Variants in SLC19A1 observed in about 807,000 individuals in gnomAD.
The protein encoded by SLC19A1 is solute carrier family 19 member 1, also known as reduced folate transporter.
SLC19A1 carries 37 observed loss-of-function variants against 35.3 expected under a neutral mutation model. That is an observed-to-expected ratio of 1.05 (90% confidence interval 0.81 to 1.38). SLC19A1 has a LOEUF of 1.38. Ranked by LOEUF, SLC19A1 falls within the 40% of genes most tolerant of loss-of-function variation. The pLI is 0.00. For missense variants in SLC19A1, 831 were observed against 826.9 expected, an observed-to-expected ratio of 1.00 and a Z score of -0.06; for synonymous variants, 460 against 398.5, an observed-to-expected ratio of 1.15 and a Z score of -1.84.
chr21:45,533,277 G>C lies in SLC19A1; in HGVS notation c.190-1129C>G, dbSNP rs1234725203. Among the ~76,000 whole-genome samples, 1 of 108,758 alleles carries C rather than the reference G, an allele frequency of 9.2e-6. No homozygotes were observed. Among genetic ancestry groups the C allele is most frequent in the Non-Finnish European group, 2.2e-5 (1 of 44,600 alleles). 71.3% of individuals were successfully genotyped at this position (108,758 alleles called of 152,430 possible). ...CTCAACACACATCCACCTTCCATGGGAACGTGGAGCTGGGCACGGGGCTGG... is the reference window on the plus strand; with the variant it reads ...CTCAACACACATCCACCTTCCATGGCAACGTGGAGCTGGGCACGGGGCTGG... On this transcript the variant is annotated intron_variant, in intron 2 of 5. Coordinates refer to ENST00000311124, the MANE Select transcript of SLC19A1 (RefSeq NM_194255.4). This position sits in a 1 kb window ranked among gnomAD's most constrained non-coding sequence, Gnocchi z 4.5.
At chr21:45,539,160 AC>A (rs2078226666) in intron 1 of SLC19A1, among the ~76,000 whole-genome samples, 2 of 152,318 alleles carry the variant, frequency 1.3e-5, no homozygotes, top group East Asian at 3.9e-4. Context: ...ACTGCCATAA[AC>A]AAGTGTGTCA....
At chr21:45,552,831 G>A (rs942729175) in intron 1 of SLC19A1, among the ~76,000 whole-genome samples, 4 of 151,208 alleles carry the variant, frequency 2.6e-5, no homozygotes, top group Non-Finnish European at 4.4e-5. Context: ...CTGTCCCTGC[G>A]TTTGTGCTGA....
At chr21:45,509,518 C>T (rs780206261), downstream of SLC19A1, 8 of 1,534,708 alleles carry the variant, frequency 5.2e-6, no homozygotes, top group East Asian at 1.9e-4. Context: ...CCCCGGAGCC[C>T]CGCACCACAG....
downstream of SLC19A1, among the ~76,000 whole-genome samples, chr21:45,510,945 ACC>A (rs2037544575): frequency 3.8e-5 from 1 of 26,020 alleles, no homozygotes; most frequent in Non-Finnish European, 6.6e-5. Context: ...AAAAACACAC[ACC>A]CACAACACCC....
chr21:45,552,647 G>GT (rs1402322373), intron 1 of SLC19A1, among the ~76,000 whole-genome samples: 1 of 151,758 alleles, frequency 6.6e-6, no homozygotes, highest in African/African-American at 2.4e-5. Flanking sequence ...GACAGCCCCA[G>GT]CCCCAGCAGA....
At chr21:45,505,914 C>T in intron 3 of SLC19A1, 9 of 1,613,080 alleles carry the variant, frequency 5.6e-6, no homozygotes, top group Non-Finnish European at 6.8e-6. Context: ...ATCTTCGTGG[C>T]CGAGCAGGAG....
downstream of SLC19A1, chr21:45,509,302 G>A (rs1568950291): frequency 2.6e-6 from 4 of 1,534,796 alleles, no homozygotes; most frequent in East Asian, 7.3e-5. Context: ...ACAGATGGAG[G>A]AGGGGCACCC....
chr21:45,561,772 A>G (rs1482427043), intron 1 of SLC19A1, among the ~76,000 whole-genome samples: 1 of 151,856 alleles, frequency 6.6e-6, no homozygotes, highest in East Asian at 1.9e-4. Flanking sequence ...AAAAATAAAT[A>G]AATAAATAAT....
chr21:45,531,531 C>G lies in SLC19A1; in HGVS notation c.807G>C (p.Leu269=). ...AGTTGAAGACCCACCAGAGGGACCA[C>G]AGGCGCAGCTGCGGCCGCCGCAGGC... The part of the protein sequence containing the change: ...GDSLRRPQLR[L]WSLWWVFNSA... Residue 269 remains leucine (L), a synonymous_variant, in exon 3 of 6, where the codon CTG becomes CTC. Transcript: ENST00000311124. 2 of 1,612,630 alleles carry G rather than the reference C, an allele frequency of 1.2e-6. No individual in the cohort carries two copies. Among genetic ancestry groups the G allele is most frequent in the South Asian group, 2.2e-5 (2 of 91,076 alleles).
chr21:45,516,028 GC>G lies in SLC19A1; in HGVS notation c.1405del (p.Ala469ProfsTer4). On this transcript the variant is annotated frameshift_variant, in exon 6 of 6. Transcript: ENST00000311124. LOFTEE classifies it low-confidence loss of function (END_TRUNC). Reference sequence around the variant, plus strand: ...CTCCGCGGCACTCCTCAGGCCCTGGGCCGGGGGCTGCCGCGGGTGGTGGCCC... The same window carrying G: ...CTCCGCGGCACTCCTCAGGCCCTGGGCGGGGGCTGCCGCGGGTGGTGGCCC... ...QRGHHPRQPP[A>X]QGLRSAAEEK... The G allele has an allele frequency of 6.3e-7, 1 of 1,578,292 alleles. No individual in the cohort carries two copies. The highest frequency in any genetic ancestry group is 8.6e-7 in the Non-Finnish European group (1 of 1,163,338).
chr21:45,532,169 G>A, intron 2 of SLC19A1, 21 bp from the exon 3 acceptor site: 1 of 1,559,570 alleles, frequency 6.4e-7, no homozygotes, highest in South Asian at 1.2e-5. Flanking sequence ...GCGGGCGTGC[G>A]CCCCACCAGG....
At chr21:45,554,966 G>A (rs1249223117) in intron 1 of SLC19A1, among the ~76,000 whole-genome samples, 1 of 151,224 alleles carries the variant, frequency 6.6e-6, no homozygotes, top group African/African-American at 2.4e-5. Flanking sequence ...CCATTCCCTG[G>A]GTCGATGTTT....
intron 3 of SLC19A1, chr21:45,507,396 G>A (rs373312649): frequency 1.1e-4 from 67 of 605,438 alleles, no homozygotes; most frequent in East Asian, 3.0e-4. Flanking sequence ...GGCAGGGAGC[G>A]TACCCTGGCA....
At position 45,533,015 on chromosome 21, in the gene SLC19A1, A is replaced by G. The variant is rs1380264197; in HGVS notation, c.190-867T>C. Reference sequence around the variant, plus strand: ...TAGGGCAGAGGGCCCTGGGCTGTGCACTCCCATCTCACACTTGTCCCCAGA... The same window carrying G: ...TAGGGCAGAGGGCCCTGGGCTGTGCGCTCCCATCTCACACTTGTCCCCAGA... On this transcript the variant is annotated intron_variant, in intron 2 of 5. Transcript: ENST00000311124. The surrounding 1 kb of genome is among the most constrained non-coding windows in gnomAD (Gnocchi z 4.5). 6.6e-6 allele frequency among the ~76,000 whole-genome samples: 1 copy of G among 152,004 alleles called. No homozygotes were observed. The highest frequency in any genetic ancestry group is 2.4e-5 in the African/African-American group (1 of 41,376).
At chr21:45,535,844 G>A (rs1040402415) in intron 2 of SLC19A1, 1 of 154,356 alleles carries the variant, frequency 6.5e-6, no homozygotes, top group African/African-American at 2.4e-5. Context: ...TCTCAAGTCA[G>A]ATTGGGCAGG....
Position 45,530,702 on chromosome 21 carries a change from C to T in SLC19A1, c.1151+68G>A. ...GGGGCGCAGCAGGAAGGTGGGAGCA[C>T]CCAGCGAAGCGCGGGGCTTGATCCT... On this transcript the variant is annotated intron_variant, in intron 4 of 5. Transcript: ENST00000311124. The surrounding 1 kb of genome is among the most constrained non-coding windows in gnomAD (Gnocchi z 5.3). The T allele has an allele frequency of 6.8e-7, 1 of 1,480,442 alleles. No homozygotes were observed. The highest frequency in any genetic ancestry group is 9.1e-7 in the Non-Finnish European group (1 of 1,093,392). 91.7% of individuals were successfully genotyped at this position (1,480,442 alleles called of 1,614,324 possible).
downstream of SLC19A1, chr21:45,512,542 A>C: frequency 1.4e-6 from 1 of 739,042 alleles, no homozygotes; most frequent in South Asian, 1.7e-5. Context: ...GTAATCCTCA[A>C]GAAATAAAAG....
chr21:45,551,950 C>A (rs1322862274), intron 1 of SLC19A1, among the ~76,000 whole-genome samples: 1 of 152,154 alleles, frequency 6.6e-6, no homozygotes, highest in African/African-American at 2.4e-5. Context: ...TGGACCCACA[C>A]CGCCTGCGTG....
At chr21:45,537,675 C>A in intron 2 of SLC19A1, 96 bp downstream of exon 2, 1 of 1,164,108 alleles carries the variant, frequency 8.6e-7, no homozygotes, top group Non-Finnish European at 1.1e-6. Flanking sequence ...CCACTGGCGG[C>A]CGCCCCCGCA....
Sources: gnomAD v4.1 joint callset for allele counts (sites outside exome capture counted in the v4.1 genomes callset) on GRCh38, gnomAD v4.1.1 for gene constraint, Gnocchi (gnomAD v3.1) non-coding constraint, MANE v1.5 for transcripts, NCBI Gene and HGNC (gene_info 2026-07-23, HGNC 2026-07-21) for gene names.